RGL1: variants seen among roughly 807,000 people sequenced by gnomAD.
RGL1 encodes the protein ral guanine nucleotide dissociation stimulator like 1.
A neutral mutation model predicts 95.2 loss-of-function variants in RGL1; 24 were observed. The observed-to-expected ratio is 0.25, with a 90% confidence interval of 0.18 to 0.35. The LOEUF is 0.35. Ranked by LOEUF, RGL1 falls within the 10% of genes least tolerant of loss-of-function variation. The pLI is 1.00. For synonymous variants in RGL1, 329 were observed against 344.9 expected, an observed-to-expected ratio of 0.95 and a Z score of 0.51; for missense variants, 715 against 936.3, an observed-to-expected ratio of 0.76 and a Z score of 3.08.
chr1:183,723,182 A>G lies in RGL1; in HGVS notation c.-32-18944A>G, dbSNP rs72733405. ...TAGATGAATCATTAAAAAATAAAGT[A>G]TAGCCAATAAACCAATAGTATTGAG... On this transcript the variant is annotated intron_variant, in intron 1 of 18. Coordinates refer to the RGL1 transcript ENST00000304685. Among the ~76,000 whole-genome samples the G allele has an allele frequency of 5.5e-3, 842 of 152,344 alleles. 4 individuals are homozygous for G. Among genetic ancestry groups the G allele is most frequent in the Non-Finnish European group, 9.8e-3 (667 of 68,022 alleles).
At chr1:183,762,367 A>AAT (rs1311854293) in intron 2 of RGL1, among the ~76,000 whole-genome samples, 1 of 152,216 alleles carries the variant, frequency 6.6e-6, no homozygotes, top group Non-Finnish European at 1.5e-5. Flanking sequence ...TGTCTCAGGG[A>AAT]ATAGAAAGGC....
chr1:183,846,623 T>A (rs1391551529), intron 2 of RGL1, among the ~76,000 whole-genome samples: 3 of 151,978 alleles, frequency 2.0e-5, no homozygotes, highest in Admixed American at 2.0e-4. Context: ...CTCACGCCTG[T>A]AATCACAACA....
intron 2 of RGL1, among the ~76,000 whole-genome samples, chr1:183,767,170 T>C (rs1659013601): frequency 6.8e-6 from 1 of 147,596 alleles, no homozygotes; most frequent in Non-Finnish European, 1.5e-5. Context: ...CAGTGAGCTA[T>C]GATCATGGCA....
At chr1:183,718,960 G>A (rs769188848) in intron 1 of RGL1, among the ~76,000 whole-genome samples, 33 of 152,118 alleles carry the variant, frequency 2.2e-4, no homozygotes, top group Non-Finnish European at 3.7e-4. Flanking sequence ...AACACAAAAA[G>A]CACCTAAGAA....
chr1:183,857,394 G>T (rs1349860564), intron 3 of RGL1, among the ~76,000 whole-genome samples: 4 of 152,160 alleles, frequency 2.6e-5, no homozygotes, highest in African/African-American at 9.7e-5. Flanking sequence ...TAGTAAATTT[G>T]TATTGTTATA....
At chr1:183,877,995 G>T (rs988076536) in intron 4 of RGL1, among the ~76,000 whole-genome samples, 7 of 152,152 alleles carry the variant, frequency 4.6e-5, no homozygotes, top group East Asian at 1.9e-4. Context: ...TTTTGTAGTT[G>T]TGACAACCTG....
intron 1 of RGL1, among the ~76,000 whole-genome samples, chr1:183,719,637 G>A (rs1332860779): frequency 2.0e-5 from 3 of 152,212 alleles, no homozygotes; most frequent in African/African-American, 7.2e-5. Flanking sequence ...CAGGTGCAGT[G>A]GCTCCTGCCT....
Position 183,719,599 on chromosome 1 carries a change from TAA to T in RGL1, c.-32-22519_-32-22518del, listed in dbSNP as rs202169718. Among the ~76,000 whole-genome samples the T allele has an allele frequency of 2.4e-4, 36 of 151,102 alleles. 1 individual carries two copies. Among genetic ancestry groups the T allele is most frequent in the Admixed American group, 1.5e-3 (22 of 15,116 alleles). On this transcript the variant is annotated intron_variant, in intron 1 of 18. Transcript: ENST00000304685. ...TTGCAAAGGGTGTTCTGTAGAATGT[TAA>T]AAAAAAATAGAAAAAAATTAAAGGC...
intron 13 of RGL1, 145 bp from the exon 14 acceptor site, chr1:183,906,867 C>G: frequency 1.6e-6 from 1 of 630,826 alleles, no homozygotes; most frequent in Non-Finnish European, 2.9e-6. Context: ...TACCCCCTGA[C>G]GTTTATGATA....
intron 1 of RGL1, among the ~76,000 whole-genome samples, chr1:183,739,721 G>A (rs1177310171): frequency 6.6e-6 from 1 of 152,228 alleles, no homozygotes; most frequent in Non-Finnish European, 1.5e-5. Context: ...CCTCTCTTGA[G>A]TCCCTCCTTA....
At chr1:183,926,035 A>G (rs1669594849) in intron 17 of RGL1, 70 bp from the exon 18 acceptor site, 2 of 1,368,400 alleles carry the variant, frequency 1.5e-6, no homozygotes, top group Admixed American at 1.9e-5. Context: ...GGCAAGGTTT[A>G]CAGCTGCCGT....
chr1:183,885,599 TATCTC>T (rs926841543), intron 7 of RGL1, among the ~76,000 whole-genome samples: 24 of 152,338 alleles, frequency 1.6e-4, no homozygotes, highest in African/African-American at 5.8e-4. Flanking sequence ...CTCAGCATCT[TATCTC>T]ATGACTGAGA....
chr1:183,718,827 C>T (rs1256972052), intron 1 of RGL1, among the ~76,000 whole-genome samples: 2 of 151,920 alleles, frequency 1.3e-5, no homozygotes, highest in African/African-American at 2.4e-5. Flanking sequence ...GCAGGAGAAT[C>T]GCTTGAACCT....
intron 2 of RGL1, among the ~76,000 whole-genome samples, chr1:183,824,216 C>A (rs1330531958): frequency 1.3e-5 from 2 of 152,136 alleles, no homozygotes; most frequent in Non-Finnish European, 2.9e-5. Flanking sequence ...TTAATTGCTG[C>A]CTAAAAATTG....
intron 2 of RGL1, among the ~76,000 whole-genome samples, chr1:183,775,182 T>G (rs556908628): frequency 6.6e-6 from 1 of 152,354 alleles, no homozygotes; most frequent in East Asian, 1.9e-4. Flanking sequence ...TGATTGACTT[T>G]CTGTGCTGTG....
chr1:183,850,649 A>T (rs1047868389), intron 3 of RGL1, among the ~76,000 whole-genome samples: 1 of 152,210 alleles, frequency 6.6e-6, no homozygotes, highest in Admixed American at 6.5e-5. Context: ...AGTGCTTGAC[A>T]AAATAGGCCT....
intron 1 of RGL1, among the ~76,000 whole-genome samples, chr1:183,718,398 G>A (rs1324462047): frequency 6.6e-6 from 1 of 152,168 alleles, no homozygotes; most frequent in African/African-American, 2.4e-5. Context: ...CCATACACTA[G>A]AAATTATATC....
chr1:183,760,609 TG>T (rs1210385029), intron 2 of RGL1, among the ~76,000 whole-genome samples: 104 of 121,990 alleles, frequency 8.5e-4, no homozygotes, highest in Admixed American at 1.2e-3. Flanking sequence ...CTGGGTGTGG[TG>T]GTGTGTGCAT....
At chr1:183,908,428 A>T (rs1261761305) in intron 14 of RGL1, among the ~76,000 whole-genome samples, 1 of 152,206 alleles carries the variant, frequency 6.6e-6, no homozygotes, top group Non-Finnish European at 1.5e-5. Flanking sequence ...CATGCGCTTT[A>T]GTAGAAAGCA....
Sources: gnomAD v4.1 joint callset for allele counts (sites outside exome capture counted in the v4.1 genomes callset) on GRCh38, gnomAD v4.1.1 for gene constraint, MANE v1.5 for transcripts, NCBI Gene and HGNC (gene_info 2026-07-23, HGNC 2026-07-21) for gene names.